OR9I1: variants seen among roughly 807,000 people sequenced by gnomAD.
OR9I1 encodes olfactory receptor family 9 subfamily I member 1.
OR9I1 carries 7 observed loss-of-function variants against 11.2 expected under a neutral mutation model. The observed-to-expected ratio is 0.62, with a 90% CI of 0.36 to 1.17. The LOEUF is 1.17. Ranked by LOEUF, OR9I1 falls within the 50% of genes most tolerant of loss-of-function variation. The probability of loss-of-function intolerance (pLI) is 0.02; values close to 1 mark genes in which losing one functional copy is unlikely to be tolerated. For missense variants in OR9I1, 428 were observed against 377.2 expected (o/e 1.13, Z -1.12); for synonymous variants, 165 against 153.4 (o/e 1.08, Z -0.56).
intron 2 of OR9I1, among the ~76,000 whole-genome samples, chr11:58,121,831 C>T (rs1202015783): frequency 1.3e-5 from 2 of 152,154 alleles, no homozygotes; most frequent in East Asian, 3.8e-4. Context: ...TTTCTACCTT[C>T]TTTCATACAT....
rs1246413687 is a variant in OR9I1 at position 58,118,014 on chromosome 11, A to G, written c.*486T>C. 1 of 152,690 alleles carries G rather than the reference A, an allele frequency of 6.5e-6. No homozygotes were observed. The highest frequency in any genetic ancestry group is 1.5e-5 in the Non-Finnish European group (1 of 68,470). The allele number at this position is 152,690 out of a possible 1,614,324, so 9.5% of individuals were successfully genotyped here. On this transcript the variant is annotated 3_prime_UTR_variant, in exon 3 of 3. Coordinates refer to ENST00000641439, the MANE Select transcript of OR9I1 (RefSeq NM_001005211.2). ...AGTTGGAGACTGAGTTTTTCCTTAT[A>G]CAATACTCCCTGCTTAGTGAGGTGA... is the stretch of plus-strand genomic sequence containing the variant.
chr11:58,120,958 A>G (rs1284982454), intron 2 of OR9I1, among the ~76,000 whole-genome samples: 1 of 151,868 alleles, frequency 6.6e-6, no homozygotes, highest in Non-Finnish European at 1.5e-5. Flanking sequence ...TATCCCATTC[A>G]TATGGGAATG....
Position 58,125,299 on chromosome 11 carries a change from A to G in OR9I1, c.-250T>C, listed in dbSNP as rs1291300465. 2 of 135,200 alleles carry G rather than the reference A, an allele frequency of 1.5e-5. No homozygotes were observed. The highest frequency in any genetic ancestry group is 5.5e-5 in the African/African-American group (2 of 36,502). The allele number at this position is 135,200 out of a possible 1,614,324, so 8.4% of individuals were successfully genotyped here. ...TTGTATATTTCACATAAGAGCTGAA[A>G]TCCCAGTCTGGTCATGGTCCTATCA... On this transcript the variant is annotated 5_prime_UTR_variant, in exon 1 of 3. Transcript: ENST00000641439.
rs192604225 is a variant in OR9I1, at chr11:58,122,143, A to G, written c.-23+2295T>C. Among the ~76,000 whole-genome samples, 29 of 152,310 alleles carry G rather than the reference A, an allele frequency of 1.9e-4. No homozygotes were observed. In the East Asian group the frequency reaches 4.1e-3, roughly 21 times the overall value. ...TGACTGCTTTATTCACTACATGGGT[A>G]GAGAGAGACAAGCAGCACACACTTT... On this transcript the variant is annotated intron_variant, in intron 2 of 2. Coordinates refer to ENST00000641439, the MANE Select transcript of OR9I1 (RefSeq NM_001005211.2).
chr11:58,123,964 A>G lies in OR9I1; in HGVS notation c.-23+474T>C, dbSNP rs186541053. Among the ~76,000 whole-genome samples the G allele has an allele frequency of 5.4e-3, 822 of 152,300 alleles. 7 individuals carry two copies. The highest frequency in any genetic ancestry group is 0.051 in the Middle Eastern group (15 of 294). On this transcript the variant is annotated intron_variant, in intron 2 of 2. Transcript: ENST00000641439. ...TATACCCTTGGAAAACTGCTCAACC[A>G]ATTGGAACCTCAATTTTTTCAATAA...
rs149512166 is a variant in OR9I1 at position 58,118,970 on chromosome 11, G to A, written c.475C>T (p.Arg159Cys). ...YVCGVSGAIL[R>C]TTCTFTLSFC... Reference sequence around the variant, plus strand: ...GAGAGGGTGAAGGTGCAAGTGGTACGCAGGATGGCTCCTGACACCCCACAG... The same window carrying A: ...GAGAGGGTGAAGGTGCAAGTGGTACACAGGATGGCTCCTGACACCCCACAG... The change falls in exon 3 of 3, where the codon CGT becomes TGT. Residue 159 changes from arginine (R) to cysteine (C), a missense_variant. Physicochemically the swap from Arg to Cys is radical, Grantham distance 180. Coordinates refer to ENST00000641439, the MANE Select transcript of OR9I1 (RefSeq NM_001005211.2). 7,148 of 1,613,880 alleles carry A rather than the reference G, an allele frequency of 4.4e-3. 22 individuals are homozygous for A. The highest frequency in any genetic ancestry group is 5.4e-3 in the Non-Finnish European group (6,383 of 1,179,952).
intron 2 of OR9I1, among the ~76,000 whole-genome samples, chr11:58,120,930 A>C (rs1471398785): frequency 6.6e-6 from 1 of 151,258 alleles, no homozygotes; most frequent in Non-Finnish European, 1.5e-5. Flanking sequence ...CACCCCCTTA[A>C]CAAAAAAATC....
chr11:58,121,795 G>A (rs1854035166), intron 2 of OR9I1, among the ~76,000 whole-genome samples: 1 of 152,138 alleles, frequency 6.6e-6, no homozygotes, highest in Non-Finnish European at 1.5e-5. Context: ...AAAATCCATA[G>A]TAGTAAAAAC....
Position 58,118,676 on chromosome 11 carries a change from AG to A in OR9I1, c.768del (p.Phe257SerfsTer29). ...TAVALFFGAL[I>X]FMYLQSGSGK... is the part of the protein sequence containing the mutation. Reference sequence around the variant, plus strand: ...CCTGAGCCACTTTGCAGATACATGAAGATAAGGGCTCCAAAGAAAAGGGCCA... The same window carrying A: ...CCTGAGCCACTTTGCAGATACATGAAATAAGGGCTCCAAAGAAAAGGGCCA... On this transcript the variant is annotated frameshift_variant, in exon 3 of 3. Transcript: ENST00000641439. LOFTEE classifies it high-confidence loss of function. 6 of 1,614,040 alleles carry A rather than the reference AG, an allele frequency of 3.7e-6. No individual in the cohort carries two copies. Among genetic ancestry groups the A allele is most frequent in the Non-Finnish European group, 5.1e-6 (6 of 1,179,982 alleles).
chr11:58,118,579 A>G lies in OR9I1; in HGVS notation c.866T>C (p.Ile289Thr), dbSNP rs772431199. Residue 289 changes from isoleucine (I) to threonine (T), a missense_variant, in exon 3 of 3, where the codon ATC (isoleucine) becomes ACC (threonine). By Grantham distance (89) the Ile-to-Thr change is moderately conservative. Coordinates refer to ENST00000641439, the MANE Select transcript of OR9I1 (RefSeq NM_001005211.2). ...TACATCTTTGTTTCTTAAGCTGTAG[A>G]TCAGAGGGTTCAGCATGGGGATGAC... Reference protein sequence around the residue: ...TVVIPMLNPLIYSLRNKDVKD... With the variant: ...TVVIPMLNPLTYSLRNKDVKD... 4 of 1,614,062 alleles carry G rather than the reference A, an allele frequency of 2.5e-6. No homozygotes were observed. The highest frequency in any genetic ancestry group is 3.4e-6 in the Non-Finnish European group (4 of 1,179,944).
intron 2 of OR9I1, among the ~76,000 whole-genome samples, chr11:58,123,305 T>C (rs566008933): frequency 2.0e-5 from 3 of 152,342 alleles, no homozygotes; most frequent in African/African-American, 7.2e-5. Flanking sequence ...CAGAGCTTTT[T>C]TACCTTCAAA....
chr11:58,125,151 C>T (rs1455299494), intron 1 of OR9I1, 123 bp downstream of exon 1: 1 of 151,998 alleles, frequency 6.6e-6, no homozygotes, highest in Non-Finnish European at 1.5e-5. Context: ...CCACGCCTCC[C>T]ACATGAAACT....
chr11:58,118,977 G>A lies in OR9I1; in HGVS notation c.468C>T (p.Ala156=), dbSNP rs1853992803. 1.2e-6 allele frequency: 2 copies of A among 1,613,894 alleles called. No homozygotes were observed. Among genetic ancestry groups the A allele is most frequent in the Non-Finnish European group, 1.7e-6 (2 of 1,179,954 alleles). ...VGAYVCGVSG[A]ILRTTCTFTL... ...TGAAGGTGCAAGTGGTACGCAGGAT[G>A]GCTCCTGACACCCCACAGACATAGG... The change falls in exon 3 of 3, where the codon GCC becomes GCT. Residue 156 remains alanine, a synonymous_variant. Transcript: ENST00000641439.
chr11:58,123,462 A>G (rs1165229946), intron 2 of OR9I1, among the ~76,000 whole-genome samples: 1 of 152,186 alleles, frequency 6.6e-6, no homozygotes, highest in African/African-American at 2.4e-5. Context: ...ACCAGAGATT[A>G]GGTGGCAGAT....
At chr11:58,123,349 C>T (rs1051607587) in intron 2 of OR9I1, among the ~76,000 whole-genome samples, 4 of 152,208 alleles carry the variant, frequency 2.6e-5, no homozygotes, top group African/African-American at 9.6e-5. Context: ...CAACACCTTT[C>T]TCAGTATCTA....
In OR9I1 at chr11:58,118,423, A is replaced by G; in HGVS notation, c.*77T>C. 3.2e-6 allele frequency: 3 copies of G among 924,234 alleles called. No homozygotes were observed. Among genetic ancestry groups the G allele is most frequent in the Non-Finnish European group, 5.0e-6 (3 of 606,028 alleles). The allele number at this position is 924,234 out of a possible 1,614,324, so 57.3% of individuals were successfully genotyped here. ...TTCTCTGTTTGTGGGTATAGGTTGC[A>G]TATAGTAATGGTGCCTATTAGGATA... On this transcript the variant is annotated 3_prime_UTR_variant, in exon 3 of 3. Transcript: ENST00000641439.
rs112662852 is a variant in OR9I1 at position 58,121,950 on chromosome 11, C to T, written c.-22-2484G>A. Among the ~76,000 whole-genome samples the T allele has an allele frequency of 2.9e-4, 44 of 152,186 alleles. 1 individual carries two copies. The highest frequency in any genetic ancestry group is 8.7e-4 in the African/African-American group (36 of 41,508). On this transcript the variant is annotated intron_variant, in intron 2 of 2. Coordinates refer to ENST00000641439, the MANE Select transcript of OR9I1 (RefSeq NM_001005211.2). The stretch of plus-strand genomic sequence containing the variant: ...CAACTGACAGAGGTTAATGACTTGT[C>T]CAAAAGTCAAATAATTAGCTATTTG...
chr11:58,125,232 A>G (rs1225819961), intron 1 of OR9I1, 42 bp downstream of exon 1: 6 of 58,536 alleles, frequency 1.0e-4, no homozygotes, highest in Admixed American at 2.0e-4. Flanking sequence ...TTCCCCCCTT[A>G]CCCACCGCCC....
chr11:58,121,916 G>T (rs1163459800), intron 2 of OR9I1, among the ~76,000 whole-genome samples: 2 of 152,004 alleles, frequency 1.3e-5, no homozygotes, highest in Non-Finnish European at 2.9e-5. Context: ...CATTATTTTG[G>T]CATTGAGACA....
Sources: gnomAD v4.1 joint callset for allele counts (sites outside exome capture counted in the v4.1 genomes callset) on GRCh38, gnomAD v4.1.1 for gene constraint, MANE v1.5 for transcripts, NCBI Gene and HGNC (gene_info 2026-07-23, HGNC 2026-07-21) for gene names.